The following ACO2 variants were observed in gnomAD, a reference collection of about 807,000 sequenced individuals.
ACO2 encodes the protein aconitate hydratase, mitochondrial.
ACO2 carries 31 observed loss-of-function variants against 84.5 expected under a neutral mutation model. The ratio of observed to expected loss-of-function variants is 0.37; its 90% CI spans 0.28 to 0.50. The LOEUF is 0.50. Ranked by LOEUF, ACO2 falls within the 20% of genes least tolerant of loss-of-function variation. ACO2 has a pLI of 0.97. For missense variants in ACO2, 685 were observed against 1,029.3 expected, an observed-to-expected ratio of 0.67 and a Z score of 4.58; for synonymous variants, 414 against 412.7, an observed-to-expected ratio of 1.00 and a Z score of -0.04.
chr22:41,508,616 ATTC>A (rs905581970), intron 3 of ACO2, among the ~76,000 whole-genome samples: 8 of 152,200 alleles, frequency 5.3e-5, no homozygotes, highest in Admixed American at 5.2e-4. Context: ...TTTGGGGGCC[ATTC>A]TTCTGTGAGT....
intron 7 of ACO2, 29 bp from the exon 8 acceptor site, chr22:41,518,452 G>T: frequency 6.4e-7 from 1 of 1,556,312 alleles, no homozygotes; most frequent in East Asian, 2.2e-5. Context: ...TGTTTCACGT[G>T]CTCCATCCCC....
Position 41,525,230 on chromosome 22 carries a change from C to G in ACO2, c.1643C>G (p.Pro548Arg), listed in dbSNP as rs200737789. 3.7e-6 allele frequency: 6 copies of G among 1,614,110 alleles called. No homozygotes were observed. In the Admixed American group the frequency reaches 8.3e-5, roughly 22 times the overall value. ...DPGQDTYQHP[P>R]KDSSGQHVDV... The stretch of plus-strand genomic sequence containing the variant: ...GGGCAGGACACCTACCAGCACCCAC[C>G]CAAGGACAGCAGCGGGCAGCATGTG... The change falls in exon 14 of 18, where the codon CCC becomes CGC. Residue 548 changes from proline to arginine, a missense_variant. By Grantham distance (103) the Pro-to-Arg change is moderately radical (BLOSUM62 -2). Around this residue, in one of 5 missense-constraint regions of ACO2, gnomAD observed 311 missense variants for 441.6 expected, o/e 0.70. Coordinates refer to ENST00000216254, the MANE Select transcript of ACO2 (RefSeq NM_001098.3).
At chr22:41,510,145 G>A (rs762549717) in intron 3 of ACO2, among the ~76,000 whole-genome samples, 5 of 152,070 alleles carry the variant, frequency 3.3e-5, no homozygotes, top group Non-Finnish European at 7.4e-5. Context: ...CTAGAATGTG[G>A]TCATTATTAC....
At chr22:41,494,552 C>T (rs1258828832) in intron 1 of ACO2, among the ~76,000 whole-genome samples, 1 of 150,770 alleles carries the variant, frequency 6.6e-6, no homozygotes, top group African/African-American at 2.4e-5. Context: ...GCTGGGATTA[C>T]AGTCGTACGC....
At chr22:41,517,689 A>G (rs2066486553) in intron 7 of ACO2, 58 bp downstream of exon 7, 3 of 1,451,190 alleles carry the variant, frequency 2.1e-6, no homozygotes, top group African/African-American at 1.4e-5. Flanking sequence ...GCTCCTCCCC[A>G]AGACAGAGCT....
At chr22:41,513,928 C>A (rs1051278875) in intron 4 of ACO2, among the ~76,000 whole-genome samples, 1 of 151,954 alleles carries the variant, frequency 6.6e-6, no homozygotes, top group Non-Finnish European at 1.5e-5. Context: ...GGATGTGGAC[C>A]ACAAGTGTCT....
intron 4 of ACO2, among the ~76,000 whole-genome samples, chr22:41,514,684 G>T (rs2066461889): frequency 6.6e-6 from 1 of 152,212 alleles, no homozygotes; most frequent in Admixed American, 6.5e-5. Context: ...AGGTGTTGCT[G>T]CCTTTCTTAC....
chr22:41,519,325 C>T (rs11090049), intron 8 of ACO2, among the ~76,000 whole-genome samples: 26,878 of 152,156 alleles, frequency 0.18, 3,411 homozygotes, highest in Admixed American at 0.38. Flanking sequence ...GCCTTGGTCA[C>T]GCACTTAGCC....
rs778724079 is a variant in ACO2 at position 41,528,028 on chromosome 22, G to A, written c.2208+6G>A. ...AGGACTTCACCCCTGGCAAGGTTAGGGGCCCGGGTCCCCCTGAGGTGGTGG... is the reference window on the plus strand; with the variant it reads ...AGGACTTCACCCCTGGCAAGGTTAGAGGCCCGGGTCCCCCTGAGGTGGTGG... On this transcript the variant is annotated splice_donor_region_variant and intron_variant, in intron 17 of 17. Coordinates refer to ENST00000216254, the MANE Select transcript of ACO2 (RefSeq NM_001098.3). The A allele has an allele frequency of 8.1e-6, 13 of 1,613,968 alleles. No individual in the cohort carries two copies. The highest frequency in any genetic ancestry group is 1.3e-5 in the African/African-American group (1 of 74,916).
intron 1 of ACO2, among the ~76,000 whole-genome samples, chr22:41,470,001 G>T (rs1370409856): frequency 6.6e-6 from 1 of 152,170 alleles, no homozygotes; most frequent in East Asian, 1.9e-4. Context: ...ATTTCTGTTT[G>T]TCAGAATGCA....
intron 9 of ACO2, among the ~76,000 whole-genome samples, chr22:41,522,022 C>T (rs1482837142): frequency 6.6e-6 from 1 of 152,226 alleles, no homozygotes. Context: ...ATCTGCCTGC[C>T]TCGGCCTCTC....
chr22:41,519,106 G>A (rs924078828), intron 8 of ACO2, among the ~76,000 whole-genome samples: 2 of 152,222 alleles, frequency 1.3e-5, no homozygotes, highest in Non-Finnish European at 2.9e-5. Flanking sequence ...AGAAGTGGAT[G>A]TCAGTTTGCC....
Position 41,524,971 on chromosome 22 carries a change from G to T in ACO2, c.1605+3G>T. The T allele has an allele frequency of 6.2e-7, 1 of 1,614,168 alleles. No individual in the cohort carries two copies. Among genetic ancestry groups the T allele is most frequent in the African/African-American group, 1.3e-5 (1 of 75,058 alleles). On this transcript the variant is annotated splice_donor_region_variant and intron_variant, in intron 13 of 17. Coordinates refer to ENST00000216254, the MANE Select transcript of ACO2 (RefSeq NM_001098.3). ...ATGCAGATGAGCTTCCCAAAGGGGT[G>T]AGCGCCCACGCCCCCTGCTTGCTGG...
chr22:41,482,175 A>AC (rs1172759709), intron 1 of ACO2, among the ~76,000 whole-genome samples: 1 of 151,900 alleles, frequency 6.6e-6, no homozygotes, highest in Non-Finnish European at 1.5e-5. Flanking sequence ...AGCCTCCCTT[A>AC]CTCCCTGGAA....
In ACO2 at chr22:41,527,949, C is replaced by T. The variant is rs375761361; in HGVS notation, c.2135C>T (p.Pro712Leu). ...QGLLPLTFAD[P>L]ADYNKIHPVD... ...CTGCTGCCTCTGACCTTCGCTGACC[C>T]GGCTGACTACAACAAGATTCACCCT... Residue 712 changes from proline to leucine, a missense_variant, in exon 17 of 18, where the codon CCG becomes CTG. Physicochemically the swap from Pro to Leu is moderately conservative, Grantham distance 98 (BLOSUM62 -3). Around this residue, in one of 5 missense-constraint regions of ACO2, gnomAD observed 174 missense variants for 236.6 expected, o/e 0.74. Coordinates refer to ENST00000216254, the MANE Select transcript of ACO2 (RefSeq NM_001098.3). 4.0e-5 allele frequency: 65 copies of T among 1,614,072 alleles called. No homozygotes were observed. The African/African-American group carries it at 7.5e-4, about 19-fold the overall frequency.
intron 9 of ACO2, among the ~76,000 whole-genome samples, chr22:41,522,221 T>C (rs2066532593): frequency 6.6e-6 from 1 of 152,112 alleles, no homozygotes; most frequent in Non-Finnish European, 1.5e-5. Flanking sequence ...GGGTCCCAGC[T>C]ACTCAGGAAG....
At chr22:41,508,824 T>G (rs1367624400) in intron 3 of ACO2, among the ~76,000 whole-genome samples, 1 of 152,022 alleles carries the variant, frequency 6.6e-6, no homozygotes, top group Non-Finnish European at 1.5e-5. Context: ...TGGGAGTGGG[T>G]CCCCCTCACG....
intron 1 of ACO2, among the ~76,000 whole-genome samples, chr22:41,492,655 C>G (rs1388058582): frequency 6.6e-6 from 1 of 152,164 alleles, no homozygotes; most frequent in Non-Finnish European, 1.5e-5. Context: ...TGCCTGTAAT[C>G]CCAGTTACTC....
At chr22:41,519,763 G>A (rs1022034989) in intron 8 of ACO2, among the ~76,000 whole-genome samples, 5 of 151,498 alleles carry the variant, frequency 3.3e-5, no homozygotes, top group Admixed American at 6.6e-5. Flanking sequence ...AGCCAAGATC[G>A]TGCCACTGCA....
Sources: gnomAD v4.1 joint callset for allele counts (sites outside exome capture counted in the v4.1 genomes callset) on GRCh38, gnomAD v4.1.1 for gene constraint, gnomAD v4.1.1 regional missense constraint, MANE v1.5 for transcripts, NCBI Gene and HGNC (gene_info 2026-07-23, HGNC 2026-07-21) for gene names.